The following PTPRD variants were observed in gnomAD, a reference collection of about 807,000 sequenced individuals.
PTPRD encodes the protein protein tyrosine phosphatase receptor type D, also known as receptor-type tyrosine-protein phosphatase delta.
In PTPRD, 34 loss-of-function variants were observed where a neutral mutation model predicts 214.5. The observed-to-expected ratio is 0.16, with a 90% CI of 0.12 to 0.21. PTPRD has a LOEUF of 0.21. Ranked by LOEUF, PTPRD falls within the 10% of genes least tolerant of loss-of-function variation. PTPRD has a pLI of 1.00. For synonymous variants in PTPRD, 1,128 were observed against 845.7 expected, an observed-to-expected ratio of 1.33 and a Z score of -5.79; for missense variants, 2,545 against 2,398.7, an observed-to-expected ratio of 1.06 and a Z score of -1.27.
chr9:9,033,571 T>C (rs1363727907), intron 10 of PTPRD, among the ~76,000 whole-genome samples: 1 of 152,116 alleles, frequency 6.6e-6, no homozygotes, highest in African/African-American at 2.4e-5. Flanking sequence ...GAATATCTTT[T>C]GGAAAATACT....
At chr9:8,503,938 T>C (rs16928053) in intron 23 of PTPRD, among the ~76,000 whole-genome samples, 25,221 of 152,214 alleles carry the variant, frequency 0.17, 2,667 homozygotes, top group African/African-American at 0.3. Context: ...GGGTTCTCAA[T>C]GTGAATTTTG....
chr9:8,825,493 A>G (rs558876461), intron 11 of PTPRD, among the ~76,000 whole-genome samples: 5 of 152,318 alleles, frequency 3.3e-5, no homozygotes, highest in African/African-American at 1.2e-4. Flanking sequence ...TTATAGGAGT[A>G]CACTTAACTG....
intron 7 of PTPRD, among the ~76,000 whole-genome samples, chr9:9,644,211 C>G (rs1376248033): frequency 2.0e-5 from 3 of 152,128 alleles, no homozygotes; most frequent in African/African-American, 7.2e-5. Context: ...TTATCCAACC[C>G]TCTTGACATT....
chr9:8,786,827 A>C (rs13283979), intron 11 of PTPRD, among the ~76,000 whole-genome samples: 1 of 151,366 alleles, frequency 6.6e-6, no homozygotes, highest in African/African-American at 2.4e-5. Flanking sequence ...ATCTATTTTA[A>C]GTATCTCACC....
rs536114709 is a variant in PTPRD, at chr9:10,417,351, A to AT, written c.-599-76335dup. Among the ~76,000 whole-genome samples the AT allele has an allele frequency of 1.4e-4, 22 of 151,934 alleles. No homozygotes were observed. In the South Asian group the frequency reaches 1.5e-3, roughly 10 times the overall value. ...AAGAATGCCTTGTAAACTTTGTTGG[A>AT]TTTTTTATTTTCTTCATTCTTGAAA... On this transcript the variant is annotated intron_variant, in intron 2 of 45. Coordinates refer to ENST00000381196, the MANE Select transcript of PTPRD (RefSeq NM_002839.4).
rs116938285 is a variant in PTPRD, at chr9:9,331,439, C to T, written c.-203+66010G>A. Reference sequence around the variant, plus strand: ...GCATAGAGAGACATTGGATTATCTGCGCATCTAATCCTATCAATTGAAACT... The same window carrying T: ...GCATAGAGAGACATTGGATTATCTGTGCATCTAATCCTATCAATTGAAACT... On this transcript the variant is annotated intron_variant, in intron 9 of 45. Coordinates refer to ENST00000381196, the MANE Select transcript of PTPRD (RefSeq NM_002839.4). Among the ~76,000 whole-genome samples the T allele has an allele frequency of 7.7e-4, 117 of 152,062 alleles. No individual in the cohort carries two copies. In the East Asian group the frequency reaches 0.018, roughly 23 times the overall value.
At chr9:8,565,295 A>T (rs1233763359) in intron 14 of PTPRD, among the ~76,000 whole-genome samples, 1 of 152,162 alleles carries the variant, frequency 6.6e-6, no homozygotes, top group Non-Finnish European at 1.5e-5. Context: ...TGCTATTTTA[A>T]ATTTGACCTT....
chr9:9,192,225 A>G lies in PTPRD; in HGVS notation c.-202-8862T>C, dbSNP rs150662003. Among the ~76,000 whole-genome samples, 368 of 146,562 alleles carry G rather than the reference A, an allele frequency of 2.5e-3. 1 individual carries two copies. The highest frequency in any genetic ancestry group is 9.6e-3 in the African/African-American group (355 of 36,872). The stretch of plus-strand genomic sequence containing the variant: ...ATGTTAAATTTTATATAGCAAAGAT[A>G]AAAAAAAAGCTGTAAGAAAAAAATT... On this transcript the variant is annotated intron_variant, in intron 9 of 45. Transcript: ENST00000381196.
intron 3 of PTPRD, among the ~76,000 whole-genome samples, chr9:10,308,940 T>G (rs1215991822): frequency 6.6e-6 from 1 of 152,094 alleles, no homozygotes; most frequent in African/African-American, 2.4e-5. Context: ...TGATTAAAAT[T>G]ATTACATACT....
At chr9:9,408,709 T>C (rs1006772084) in intron 8 of PTPRD, among the ~76,000 whole-genome samples, 1 of 151,826 alleles carries the variant, frequency 6.6e-6, no homozygotes, top group African/African-American at 2.4e-5. Flanking sequence ...AATACTGCCA[T>C]TTACTAGTTT....
chr9:9,464,254 T>A (rs2093937750), intron 8 of PTPRD, among the ~76,000 whole-genome samples: 1 of 152,124 alleles, frequency 6.6e-6, no homozygotes, highest in South Asian at 2.1e-4. Flanking sequence ...GTGAACATCG[T>A]ATCCAATAGG....
At chr9:8,839,068 T>C (rs1412722524) in intron 11 of PTPRD, among the ~76,000 whole-genome samples, 1 of 152,098 alleles carries the variant, frequency 6.6e-6, no homozygotes, top group Non-Finnish European at 1.5e-5. Flanking sequence ...TCAATATGAC[T>C]ACAGTCAATA....
At chr9:9,247,863 A>T (rs1227642371) in intron 9 of PTPRD, among the ~76,000 whole-genome samples, 1 of 152,118 alleles carries the variant, frequency 6.6e-6, no homozygotes, top group Non-Finnish European at 1.5e-5. Flanking sequence ...AAGTTTGAGC[A>T]TGATCACCAT....
At chr9:9,459,418 C>T (rs1486167663) in intron 8 of PTPRD, among the ~76,000 whole-genome samples, 5 of 151,976 alleles carry the variant, frequency 3.3e-5, no homozygotes, top group South Asian at 2.1e-4. Context: ...AAATTATCTC[C>T]GTTTTCTGAC....
At chr9:8,716,253 C>T (rs549841291) in intron 12 of PTPRD, among the ~76,000 whole-genome samples, 133 of 152,310 alleles carry the variant, frequency 8.7e-4, no homozygotes, top group African/African-American at 2.6e-3. Context: ...ATTGTTAGAA[C>T]CTACAAGGAG....
intron 10 of PTPRD, among the ~76,000 whole-genome samples, chr9:9,104,154 G>C (rs1222063197): frequency 6.6e-6 from 1 of 152,068 alleles, no homozygotes; most frequent in Non-Finnish European, 1.5e-5. Context: ...GGCTTTGTGG[G>C]CTATCCAGTC....
chr9:9,845,070 ATATATT>A (rs2059198662), intron 5 of PTPRD, among the ~76,000 whole-genome samples: 4 of 127,750 alleles, frequency 3.1e-5, no homozygotes, highest in Non-Finnish European at 4.8e-5. Context: ...ATATATATAT[ATATATT>A]GCTCTATATA....
chr9:8,641,680 G>C (rs1595888500), intron 12 of PTPRD, among the ~76,000 whole-genome samples: 1 of 152,250 alleles, frequency 6.6e-6, no homozygotes, highest in East Asian at 1.9e-4. Flanking sequence ...TACATTCTCA[G>C]GATGCATTCA....
chr9:9,758,885 T>A (rs1183947042), intron 6 of PTPRD, among the ~76,000 whole-genome samples: 2 of 151,842 alleles, frequency 1.3e-5, no homozygotes, highest in East Asian at 1.9e-4. Context: ...TAATTCTTAA[T>A]AATAAAAATA....
Sources: gnomAD v4.1 joint callset for allele counts (sites outside exome capture counted in the v4.1 genomes callset) on GRCh38, gnomAD v4.1.1 for gene constraint, MANE v1.5 for transcripts, NCBI Gene and HGNC (gene_info 2026-07-23, HGNC 2026-07-21) for gene names.